The following ZNF385C variants were observed in gnomAD, a reference collection of about 807,000 sequenced individuals.
ZNF385C encodes the protein zinc finger protein 385C, also known as CTD-2132N18.2.
In ZNF385C, 28 loss-of-function variants were observed where a neutral mutation model predicts 35.4. The ratio of observed to expected loss-of-function variants is 0.79; its 90% CI spans 0.59 to 1.08. The LOEUF (loss-of-function observed/expected upper bound fraction) is 1.08, where lower values mean the gene tolerates loss of function less well. ZNF385C is among the 50% of genes least tolerant of loss of function. The pLI, the probability that ZNF385C is intolerant of heterozygous loss-of-function variation, is 0.00. For synonymous variants in ZNF385C, 248 were observed against 248.2 expected, an observed-to-expected ratio of 1.00 and a Z score of 0.01; for missense variants, 605 against 595.6, an observed-to-expected ratio of 1.02 and a Z score of -0.16.
intron 2 of ZNF385C, among the ~76,000 whole-genome samples, chr17:42,053,066 G>A (rs533896589): frequency 4.5e-4 from 68 of 152,268 alleles, no homozygotes; most frequent in South Asian, 2.7e-3. Flanking sequence ...TCCCACCATG[G>A]CCAGGGGGTT....
chr17:42,058,947 G>A (rs546909912), intron 2 of ZNF385C, among the ~76,000 whole-genome samples: 1 of 152,334 alleles, frequency 6.6e-6, no homozygotes, highest in East Asian at 1.9e-4. Context: ...ATGAGCCACC[G>A]CGCCTGACCA....
rs1330811276 is a variant in ZNF385C, at chr17:42,025,887, G to C, written c.*1010C>G. The C allele has an allele frequency of 6.6e-6, 1 of 152,194 alleles. No individual in the cohort carries two copies. Among genetic ancestry groups the C allele is most frequent in the African/African-American group, 2.4e-5 (1 of 41,426 alleles). 9.4% of individuals were successfully genotyped at this position (152,194 alleles called of 1,614,324 possible). On this transcript the variant is annotated 3_prime_UTR_variant, in exon 9 of 9. Coordinates refer to ENST00000692273, the MANE Select transcript of ZNF385C (RefSeq NM_001392013.1). The stretch of plus-strand genomic sequence containing the variant: ...GGGCTGGTTGGGAGAAGGGAAAGCT[G>C]AATTTAGTGCTAGGACCAGTTTGGA...
chr17:42,027,963 G>T, intron 7 of ZNF385C, 87 bp downstream of exon 7: 1 of 1,502,236 alleles, frequency 6.7e-7, no homozygotes, highest in Non-Finnish European at 9.1e-7. Flanking sequence ...TGCCCTGCCT[G>T]CTCTCTTCAG....
rs530975951 is a variant in ZNF385C at position 42,069,898 on chromosome 17, C to T, written c.-2-6840G>A. Among the ~76,000 whole-genome samples, 4 of 152,214 alleles carry T rather than the reference C, an allele frequency of 2.6e-5. No individual in the cohort carries two copies. In the East Asian group the frequency reaches 7.7e-4, roughly 29 times the overall value. ...TCTCTACTAAAGATACAAAAATTAGCCAACATGGTGGTGAGTGCCTGTAAT... is the reference window on the plus strand; with the variant it reads ...TCTCTACTAAAGATACAAAAATTAGTCAACATGGTGGTGAGTGCCTGTAAT... On this transcript the variant is annotated intron_variant, in intron 1 of 8. Transcript: ENST00000692273.
Position 42,041,248 on chromosome 17 carries a change from G to A in ZNF385C, c.251-3363C>T, listed in dbSNP as rs557496604. 1.3e-3 allele frequency: 1,545 copies of A among 1,223,736 alleles called. 1 individual carries two copies. The highest frequency in any genetic ancestry group is 1.5e-3 in the Non-Finnish European group (1,429 of 980,468). The allele number at this position is 1,223,736 out of a possible 1,614,324, so 75.8% of individuals were successfully genotyped here. A position where few individuals can be genotyped will look rare whatever the true frequency, so the allele number is the denominator to read the frequency against. On this transcript the variant is annotated intron_variant, in intron 2 of 8. Transcript: ENST00000692273. Reference sequence around the variant, plus strand: ...CTGAGTTAGGCTTGTCCTGAGAGGCGGAGGCAGGCAGTGCGGGGTGGTGGA... The same window carrying A: ...CTGAGTTAGGCTTGTCCTGAGAGGCAGAGGCAGGCAGTGCGGGGTGGTGGA...
At chr17:42,039,433 TCTAA>T (rs1204722256) in intron 2 of ZNF385C, 3 of 343,584 alleles carry the variant, frequency 8.7e-6, no homozygotes, top group Admixed American at 9.5e-5. Context: ...CTACTCCTCA[TCTAA>T]CTGTGTAAAG....
chr17:42,062,579 C>T (rs782135550), intron 2 of ZNF385C: 4 of 385,706 alleles, frequency 1.0e-5, no homozygotes, highest in Admixed American at 4.5e-5. Flanking sequence ...ACCCAAGAGG[C>T]GGCCTAAGGA....
intron 1 of ZNF385C, among the ~76,000 whole-genome samples, chr17:42,096,094 C>T (rs2053914449): frequency 6.6e-6 from 1 of 152,142 alleles, no homozygotes; most frequent in South Asian, 2.1e-4. Flanking sequence ...GCACCCTGGC[C>T]ACCCCCCTTC....
chr17:42,046,844 T>C (rs1229087788), intron 2 of ZNF385C, among the ~76,000 whole-genome samples: 3 of 151,722 alleles, frequency 2.0e-5, no homozygotes, highest in Non-Finnish European at 4.4e-5. Context: ...AGACTGTCAA[T>C]TAGATGATAT....
intron 1 of ZNF385C, among the ~76,000 whole-genome samples, chr17:42,084,429 C>T: frequency 6.6e-6 from 1 of 151,928 alleles, no homozygotes; most frequent in African/African-American, 2.4e-5. Context: ...ACATCTTTGG[C>T]AGGTTTCTCC....
chr17:42,074,761 A>G (rs2143910240), intron 1 of ZNF385C, among the ~76,000 whole-genome samples: 1 of 152,354 alleles, frequency 6.6e-6, no homozygotes, highest in South Asian at 2.1e-4. Context: ...TCACTATCCC[A>G]CAGCACACGC....
At chr17:42,063,294 C>T (rs1323733762) in intron 1 of ZNF385C, among the ~76,000 whole-genome samples, 2 of 152,054 alleles carry the variant, frequency 1.3e-5, no homozygotes, top group East Asian at 1.9e-4. Flanking sequence ...TTTGGGAGGC[C>T]GAGGCGGGCA....
At position 42,050,689 on chromosome 17, in the gene ZNF385C, G is replaced by A. The variant is rs1319568206; in HGVS notation, c.250+12118C>T. ...AGCAGCCAGCGCCGGCCAGGGTCCC[G>A]GGCAGGGCGGGCGGCGCCCCCGGGG... is the stretch of plus-strand genomic sequence containing the variant. On this transcript the variant is annotated intron_variant, in intron 2 of 8. Coordinates refer to ENST00000692273, the MANE Select transcript of ZNF385C (RefSeq NM_001392013.1). The surrounding 1 kb of genome is among the most constrained non-coding windows in gnomAD (Gnocchi z 5.6). The A allele has an allele frequency of 6.6e-6, 1 of 150,958 alleles. No individual in the cohort carries two copies. Among genetic ancestry groups the A allele is most frequent in the Non-Finnish European group, 1.5e-5 (1 of 67,592 alleles). 9.4% of individuals were successfully genotyped at this position (150,958 alleles called of 1,614,324 possible). A position where few individuals can be genotyped will look rare whatever the true frequency, so the allele number is the denominator to read the frequency against.
intron 8 of ZNF385C, 67 bp downstream of exon 8, chr17:42,027,551 C>CACAG: frequency 1.9e-6 from 1 of 525,326 alleles, no homozygotes; most frequent in Non-Finnish European, 3.5e-6. Flanking sequence ...GCCCCCCCAT[C>CACAG]TGGCCCTCCC....
chr17:42,028,762 C>A, intron 6 of ZNF385C, 21 bp downstream of exon 6: 1 of 1,538,634 alleles, frequency 6.5e-7, no homozygotes, highest in Middle Eastern at 1.7e-4. Flanking sequence ...TCCCTGGGCT[C>A]CAGCTCCTGG....
At chr17:42,069,965 C>T (rs1555658661) in intron 1 of ZNF385C, among the ~76,000 whole-genome samples, 1 of 152,116 alleles carries the variant, frequency 6.6e-6, no homozygotes, top group Non-Finnish European at 1.5e-5. Flanking sequence ...TTGCTTGAAC[C>T]TGGGAGGCAG....
rs11869481 is a variant in ZNF385C at position 42,095,233 on chromosome 17, C to T, written c.-3+3177G>A. Reference sequence around the variant, plus strand: ...AGGTTTCATGCCTCTTCTGAACAGACGGTGTGTCCAGGTGCCACAGGGCAC... The same window carrying T: ...AGGTTTCATGCCTCTTCTGAACAGATGGTGTGTCCAGGTGCCACAGGGCAC... On this transcript the variant is annotated intron_variant, in intron 1 of 8. Coordinates refer to ENST00000692273, the MANE Select transcript of ZNF385C (RefSeq NM_001392013.1). This position sits in a 1 kb window ranked among gnomAD's most constrained non-coding sequence, Gnocchi z 4.4. Among the ~76,000 whole-genome samples, 2,410 of 152,296 alleles carry T rather than the reference C, an allele frequency of 0.016. 41 individuals carry two copies. The highest frequency in any genetic ancestry group is 0.034 in the African/African-American group (1,427 of 41,538).
At chr17:42,052,254 T>C (rs1451492802) in intron 2 of ZNF385C, among the ~76,000 whole-genome samples, 1 of 151,932 alleles carries the variant, frequency 6.6e-6, no homozygotes, top group Non-Finnish European at 1.5e-5. Context: ...TCTTATGAAA[T>C]AACATCACCC....
intron 1 of ZNF385C, among the ~76,000 whole-genome samples, chr17:42,082,586 A>C (rs1555659809): frequency 6.6e-6 from 1 of 152,318 alleles, no homozygotes; most frequent in South Asian, 2.1e-4. Context: ...ACAGTGTACA[A>C]TTATGTTTCC....
Sources: allele counts gnomAD v4.1 joint callset (sites outside exome capture counted in the v4.1 genomes callset), GRCh38; gene constraint gnomAD v4.1.1; non-coding constraint Gnocchi (gnomAD v3.1); transcripts MANE v1.5; gene names NCBI Gene and HGNC (gene_info 2026-07-23, HGNC 2026-07-21).